Variants in DLG2 observed in about 807,000 individuals in gnomAD.
DLG2 encodes the protein disks large homolog 2.
A neutral mutation model predicts 132.5 loss-of-function variants in DLG2; 45 were observed. That is an observed-to-expected ratio of 0.34 (90% CI 0.27 to 0.44). DLG2 has a LOEUF of 0.44. Ranked by LOEUF, DLG2 falls within the 20% of genes least tolerant of loss-of-function variation. DLG2 has a pLI of 1.00. For synonymous variants in DLG2, 424 were observed against 419.6 expected, an observed-to-expected ratio of 1.01 and a Z score of -0.13; for missense variants, 1,045 against 1,196.9, an observed-to-expected ratio of 0.87 and a Z score of 1.87.
At chr11:83,896,653 A>G (rs960434023) in intron 15 of DLG2, among the ~76,000 whole-genome samples, 1 of 152,216 alleles carries the variant, frequency 6.6e-6, no homozygotes, top group Non-Finnish European at 1.5e-5. Flanking sequence ...GCAATTTTAT[A>G]GAGAAAATAG....
intron 8 of DLG2, among the ~76,000 whole-genome samples, chr11:84,209,390 C>T (rs181013001): frequency 6.6e-6 from 1 of 152,194 alleles, no homozygotes; most frequent in East Asian, 1.9e-4. Flanking sequence ...TGCGGAATCT[C>T]GGACTGAATT....
intron 6 of DLG2, among the ~76,000 whole-genome samples, chr11:84,950,494 T>C (rs1410566215): frequency 6.6e-6 from 1 of 152,222 alleles, no homozygotes; most frequent in Non-Finnish European, 1.5e-5. Flanking sequence ...TATTTTAATA[T>C]ATTTATGCAC....
At chr11:84,453,205 T>C (rs1252471775) in intron 7 of DLG2, among the ~76,000 whole-genome samples, 1 of 151,678 alleles carries the variant, frequency 6.6e-6, no homozygotes, top group African/African-American at 2.4e-5. Flanking sequence ...GATATCAAAA[T>C]AGAAATGGTA....
intron 22 of DLG2, 31 bp downstream of exon 22, chr11:83,484,098 C>CA (rs2093343362): frequency 1.3e-6 from 2 of 1,574,658 alleles, no homozygotes; most frequent in Non-Finnish European, 1.7e-6. Context: ...TCTTATGTTG[C>CA]ATGTGACATT....
chr11:83,716,728 C>G (rs550209548), intron 18 of DLG2, among the ~76,000 whole-genome samples: 334 of 152,122 alleles, frequency 2.2e-3, no homozygotes, highest in African/African-American at 7.8e-3. Context: ...TTTCTCGATT[C>G]TACTTCTTTC....
At chr11:84,888,660 T>C (rs2088770003) in intron 6 of DLG2, among the ~76,000 whole-genome samples, 3 of 135,862 alleles carry the variant, frequency 2.2e-5, no homozygotes, top group African/African-American at 5.5e-5. Context: ...TTAAACTCAT[T>C]TGCATCTCAG....
intron 18 of DLG2, among the ~76,000 whole-genome samples, chr11:83,664,886 C>T (rs1476808431): frequency 6.6e-6 from 1 of 152,190 alleles, no homozygotes; most frequent in Non-Finnish European, 1.5e-5. Flanking sequence ...CTGGAAGACA[C>T]TATGAGTTTT....
At chr11:84,154,990 G>T (rs1005610786) in intron 9 of DLG2, among the ~76,000 whole-genome samples, 4 of 152,036 alleles carry the variant, frequency 2.6e-5, no homozygotes, top group Non-Finnish European at 5.9e-5. Flanking sequence ...CTACAGAATG[G>T]GAGAAAATTT....
intron 8 of DLG2, among the ~76,000 whole-genome samples, chr11:84,224,012 G>A (rs2096954575): frequency 6.6e-6 from 1 of 152,188 alleles, no homozygotes; most frequent in Admixed American, 6.5e-5. Context: ...TAGGCCTCCA[G>A]GTTTATGGCA....
intron 6 of DLG2, among the ~76,000 whole-genome samples, chr11:84,876,645 A>C (rs886503379): frequency 2.0e-5 from 3 of 152,036 alleles, no homozygotes; most frequent in Non-Finnish European, 4.4e-5. Context: ...TCCTGGATTC[A>C]TTGATTTTTT....
intron 15 of DLG2, among the ~76,000 whole-genome samples, chr11:83,883,906 T>C (rs1056962346): frequency 3.9e-5 from 6 of 152,154 alleles, no homozygotes; most frequent in Admixed American, 3.3e-4. Context: ...TCCATAAATG[T>C]AGCTACTTCA....
intron 6 of DLG2, among the ~76,000 whole-genome samples, chr11:84,779,497 TCATCAGCAAACA>T (rs1565940617): frequency 6.6e-6 from 1 of 151,900 alleles, no homozygotes; most frequent in African/African-American, 2.4e-5. Flanking sequence ...CAAGATCATA[TCATCAGCAAACA>T]GGAATAACTT....
At chr11:83,728,658 C>G (rs778818109) in intron 18 of DLG2, among the ~76,000 whole-genome samples, 9 of 152,358 alleles carry the variant, frequency 5.9e-5, no homozygotes, top group Non-Finnish European at 1.0e-4. Context: ...TCACAAAGGA[C>G]TTTGCACAAA....
At position 84,569,965 on chromosome 11, in the gene DLG2, A is replaced by G. The variant is rs546562416; in HGVS notation, c.358-35234T>C. 7.2e-5 allele frequency among the ~76,000 whole-genome samples: 11 copies of G among 152,304 alleles called. No individual in the cohort carries two copies. The East Asian group carries it at 1.7e-3, about 24-fold the overall frequency. On this transcript the variant is annotated intron_variant, in intron 6 of 27. Transcript: ENST00000376104. ...TAGCAATGCCTAATTCTAACTAATT[A>G]CCTGTGTTGACATTTGTGTTCTCAG... is the stretch of plus-strand genomic sequence containing the variant.
intron 2 of DLG2, among the ~76,000 whole-genome samples, chr11:85,615,469 A>G (rs2081273074): frequency 6.6e-6 from 1 of 152,062 alleles, no homozygotes; most frequent in Non-Finnish European, 1.5e-5. Context: ...GTGAGCTGAG[A>G]TCATGCCACT....
chr11:83,822,591 C>T (rs1057331214), intron 17 of DLG2, among the ~76,000 whole-genome samples: 1 of 152,142 alleles, frequency 6.6e-6, no homozygotes, highest in Non-Finnish European at 1.5e-5. Flanking sequence ...TTAGCATCCC[C>T]ACACTAACGT....
chr11:84,337,222 G>C (rs2098489833), intron 7 of DLG2, among the ~76,000 whole-genome samples: 1 of 152,036 alleles, frequency 6.6e-6, no homozygotes, highest in Non-Finnish European at 1.5e-5. Context: ...ATACATATGA[G>C]GTATCTGGCC....
At chr11:84,371,997 G>T (rs1052217707) in intron 7 of DLG2, among the ~76,000 whole-genome samples, 2 of 152,150 alleles carry the variant, frequency 1.3e-5, no homozygotes, top group African/African-American at 4.8e-5. Flanking sequence ...AGATCTTCTT[G>T]TTAGGTGTCA....
At chr11:85,394,563 G>A (rs184210471) in intron 3 of DLG2, among the ~76,000 whole-genome samples, 269 of 152,270 alleles carry the variant, frequency 1.8e-3, no homozygotes, top group African/African-American at 6.2e-3. Flanking sequence ...CACTAAAGTT[G>A]GTTAGAATAA....
Sources: gnomAD v4.1 joint callset for allele counts (sites outside exome capture counted in the v4.1 genomes callset) on GRCh38, gnomAD v4.1.1 for gene constraint, MANE v1.5 for transcripts, NCBI Gene and HGNC (gene_info 2026-07-23, HGNC 2026-07-21) for gene names.